The following CDK13 variants were observed in gnomAD, a reference collection of about 807,000 sequenced individuals.
CDK13 encodes cyclin-dependent kinase 13.
Under a neutral mutation model 137.6 loss-of-function variants are expected in CDK13, and 40 were observed. The observed-to-expected ratio is 0.29, with a 90% CI of 0.23 to 0.38. CDK13 has a LOEUF of 0.38. Ranked by LOEUF, CDK13 falls within the 10% of genes least tolerant of loss-of-function variation. The pLI, the probability that CDK13 is intolerant of heterozygous loss-of-function variation, is 1.00. For synonymous variants in CDK13, 869 were observed against 760.1 expected (o/e 1.14, Z -2.36); for missense variants, 1,704 against 1,951.8 (o/e 0.87, Z 2.39).
At chr7:39,989,568 T>C (rs1032402060) in intron 2 of CDK13, among the ~76,000 whole-genome samples, 1 of 152,158 alleles carries the variant, frequency 6.6e-6, no homozygotes, top group Non-Finnish European at 1.5e-5. Flanking sequence ...CAAAATGTTG[T>C]TGGGAGACCC....
intron 9 of CDK13, among the ~76,000 whole-genome samples, chr7:40,076,926 G>C (rs1268513865): frequency 5.3e-5 from 8 of 152,036 alleles, no homozygotes; most frequent in African/African-American, 9.7e-5. Context: ...AAACATCCTT[G>C]AAATTTGGTA....
chr7:40,093,748 T>C (rs527979693), intron 13 of CDK13, among the ~76,000 whole-genome samples: 1 of 151,842 alleles, frequency 6.6e-6, no homozygotes, highest in African/African-American at 2.4e-5. Flanking sequence ...CTAAAACAAT[T>C]TTTTTTAATT....
chr7:40,013,451 T>A (rs987602787), intron 5 of CDK13, among the ~76,000 whole-genome samples: 2 of 152,216 alleles, frequency 1.3e-5, no homozygotes, highest in African/African-American at 2.4e-5. Context: ...GATGAAGTAA[T>A]ACATGCTACT....
Position 40,030,272 on chromosome 7 carries a change from T to TAG in CDK13, c.2354-15563_2354-15562insGA, listed in dbSNP as rs1244952352. Reference sequence around the variant, plus strand: ...GTATATGTGTGTGTGTATATATATATATAGAGAGAGAGAGAGAGAGAAAGT... The same window carrying TAG: ...GTATATGTGTGTGTGTATATATATATAGATAGAGAGAGAGAGAGAGAGAAAGT... On this transcript the variant is annotated intron_variant, in intron 5 of 13. Transcript: ENST00000181839. Among the ~76,000 whole-genome samples, 128 of 133,224 alleles carry TAG rather than the reference T, an allele frequency of 9.6e-4. 1 individual carries two copies. Among genetic ancestry groups the TAG allele is most frequent in the African/African-American group, 4.0e-3 (104 of 25,696 alleles). 87.4% of individuals were successfully genotyped at this position (133,224 alleles called of 152,430 possible). A position where few individuals can be genotyped will look rare whatever the true frequency, so the allele number is the denominator to read the frequency against.
intron 7 of CDK13, among the ~76,000 whole-genome samples, chr7:40,053,027 G>T (rs1233689988): frequency 6.6e-6 from 1 of 152,164 alleles, no homozygotes; most frequent in Non-Finnish European, 1.5e-5. Flanking sequence ...CAGGAAAGGA[G>T]ATCTCATTTA....
At chr7:40,082,761 A>C (rs1786694809) in intron 11 of CDK13, among the ~76,000 whole-genome samples, 2 of 149,866 alleles carry the variant, frequency 1.3e-5, no homozygotes, top group Admixed American at 1.3e-4. Context: ...GCTGCACTCC[A>C]GCCTGGGTGA....
intron 1 of CDK13, among the ~76,000 whole-genome samples, chr7:39,966,804 T>G (rs181960095): frequency 1.7e-3 from 260 of 152,286 alleles, no homozygotes; most frequent in African/African-American, 5.0e-3. Context: ...TGGATGTCCT[T>G]TCTGCTTGTT....
intron 11 of CDK13, among the ~76,000 whole-genome samples, chr7:40,084,911 A>G (rs924545897): frequency 2.0e-5 from 3 of 152,160 alleles, no homozygotes; most frequent in African/African-American, 7.2e-5. Context: ...TGGCATTTGA[A>G]CCTTCAAGAA....
At chr7:39,990,123 C>G (rs1784428145) in intron 2 of CDK13, among the ~76,000 whole-genome samples, 1 of 152,086 alleles carries the variant, frequency 6.6e-6, no homozygotes, top group Non-Finnish European at 1.5e-5. Context: ...TAAATTTTTA[C>G]TAGGTTATTT....
intron 1 of CDK13, among the ~76,000 whole-genome samples, chr7:39,971,511 G>T (rs181537983): frequency 3.1e-4 from 47 of 150,682 alleles, no homozygotes; most frequent in Middle Eastern, 3.5e-3. Context: ...AGTAAGACTC[G>T]GTCTCAAAAA....
At chr7:39,999,917 G>C (rs1166990399) in intron 4 of CDK13, among the ~76,000 whole-genome samples, 2 of 152,024 alleles carry the variant, frequency 1.3e-5, no homozygotes, top group African/African-American at 4.8e-5. Flanking sequence ...ATCCTTGGAG[G>C]CCAGTTTTAG....
chr7:40,092,623 G>GACTTGAGGTTCTCTTTT, intron 12 of CDK13, 162 bp from the exon 13 acceptor site: 3 of 597,086 alleles, frequency 5.0e-6, no homozygotes, highest in Non-Finnish European at 8.9e-6. Flanking sequence ...CATTTTAAAT[G>GACTTGAGGTTCTCTTTT]TACATGATAT....
intron 5 of CDK13, among the ~76,000 whole-genome samples, chr7:40,040,592 G>A (rs1374478126): frequency 6.6e-6 from 1 of 152,166 alleles, no homozygotes; most frequent in East Asian, 1.9e-4. Context: ...CTAACATAGG[G>A]ATAATTAACA....
At chr7:39,966,979 T>C (rs978466283) in intron 1 of CDK13, among the ~76,000 whole-genome samples, 2 of 152,118 alleles carry the variant, frequency 1.3e-5, no homozygotes, top group Non-Finnish European at 2.9e-5. Flanking sequence ...GTAAGTTTTG[T>C]GTCAGAGGAG....
At chr7:40,067,703 CTT>C (rs1412165774) in intron 9 of CDK13, 2 of 152,358 alleles carry the variant, frequency 1.3e-5, no homozygotes, top group Non-Finnish European at 2.9e-5. Flanking sequence ...AATCCCAGCA[CTT>C]TGGGAGGCCG....
chr7:40,003,267 A>G (rs1040502061), intron 5 of CDK13, among the ~76,000 whole-genome samples: 4 of 151,192 alleles, frequency 2.6e-5, no homozygotes, highest in Non-Finnish European at 5.9e-5. Context: ...TTGATAAACT[A>G]CATGGTAGTT....
At position 39,987,859 on chromosome 7, in the gene CDK13, A is replaced by G; in HGVS notation, c.1472A>G (p.Asn491Ser). ...EAAAKAAKAS[N>S]TSTPTKGNTE... ...GCTGCCAAGGCTGCAAAAGCTTCAA[A>G]CACTTCTACACCTACCAAGGGGAAC... Residue 491 changes from asparagine to serine, a missense_variant, in exon 2 of 14, where the codon AAC (asparagine) becomes AGC (serine). Transcript: ENST00000181839. 6.2e-7 allele frequency: 1 copy of G among 1,614,228 alleles called. No homozygotes were observed. Among genetic ancestry groups the G allele is most frequent in the Non-Finnish European group, 8.5e-7 (1 of 1,180,040 alleles).
chr7:40,017,589 T>C (rs1362225778), intron 5 of CDK13, among the ~76,000 whole-genome samples: 1 of 152,140 alleles, frequency 6.6e-6, no homozygotes, highest in Non-Finnish European at 1.5e-5. Flanking sequence ...TTTGACATTT[T>C]CTACTGATTT....
chr7:40,002,204 T>A, intron 5 of CDK13, 173 bp downstream of exon 5: 1 of 476,586 alleles, frequency 2.1e-6, no homozygotes, highest in Non-Finnish European at 3.7e-6. Context: ...ACTTTAGTGG[T>A]TTTTGAGTAA....
Sources: gnomAD v4.1 joint callset for allele counts (sites outside exome capture counted in the v4.1 genomes callset) on GRCh38, gnomAD v4.1.1 for gene constraint, MANE v1.5 for transcripts, NCBI Gene and HGNC (gene_info 2026-07-23, HGNC 2026-07-21) for gene names.